Variants in LOC112694756 observed in about 807,000 individuals in gnomAD.
the LOC112694756 span, chr16:30,069,028 G>T: frequency 6.2e-7 from 1 of 1,613,044 alleles, no homozygotes; most frequent in Non-Finnish European, 8.5e-7. Context: ...TTTGGTTCCA[G>T]TGTTGTTAAT....
chr16:30,069,043 C>G, the LOC112694756 span: 7 of 1,606,302 alleles, frequency 4.4e-6, no homozygotes, highest in Non-Finnish European at 5.1e-6. Context: ...GTTAATTTGC[C>G]TATTACCTGC....
At chr16:30,068,967 A>G in the LOC112694756 span, 2 of 1,614,246 alleles carry the variant, frequency 1.2e-6, no homozygotes, top group Non-Finnish European at 8.5e-7. Flanking sequence ...TTATGCCAGT[A>G]TCTGCCAGCA....
the LOC112694756 span, chr16:30,069,050 C>T: frequency 1.2e-6 from 2 of 1,601,004 alleles, no homozygotes; most frequent in Non-Finnish European, 1.7e-6. Context: ...TGCCTATTAC[C>T]TGCCATGATG....
chr16:30,056,707 C>A, the LOC112694756 span, among the ~76,000 whole-genome samples: 1 of 150,076 alleles, frequency 6.7e-6, no homozygotes, highest in Non-Finnish European at 1.5e-5. Flanking sequence ...CTGAAGCAAT[C>A]CTCCCACCTC....
At chr16:30,068,889 G>T in the LOC112694756 span, 20 of 1,614,134 alleles carry the variant, frequency 1.2e-5, no homozygotes, top group African/African-American at 2.5e-4. Context: ...GTGGCGTTGT[G>T]TGCTGAAGAT....
the LOC112694756 span, among the ~76,000 whole-genome samples, chr16:30,055,681 G>A: frequency 2.0e-5 from 3 of 152,264 alleles, no homozygotes; most frequent in Non-Finnish European, 4.4e-5. Context: ...TCTAGGTATA[G>A]GGCCTCTTTA....
the LOC112694756 span, chr16:30,068,224 G>A: frequency 1.6e-5 from 5 of 318,590 alleles, no homozygotes; most frequent in Admixed American, 4.5e-5. Context: ...GCCACCACCC[G>A]GCTAATTTTT....
chr16:30,061,211 T>C, the LOC112694756 span, among the ~76,000 whole-genome samples: 2 of 152,250 alleles, frequency 1.3e-5, no homozygotes, highest in Non-Finnish European at 2.9e-5. Flanking sequence ...CCTTCTTGTC[T>C]CTAAGGACAC....
chr16:30,069,240 G>A, the LOC112694756 span: 17 of 1,546,376 alleles, frequency 1.1e-5, no homozygotes, highest in Admixed American at 1.2e-4. Context: ...ACCAGTGGCT[G>A]TGGAGAGATG....
chr16:30,063,983 C>T, the LOC112694756 span: 2 of 398,778 alleles, frequency 5.0e-6, no homozygotes, highest in Admixed American at 8.8e-5. Context: ...AGTGGCAGCG[C>T]AGGGCCTGGC....
chr16:30,069,823 T>G, the LOC112694756 span: 2 of 1,614,002 alleles, frequency 1.2e-6, no homozygotes, highest in Non-Finnish European at 1.7e-6. Flanking sequence ...TCACCCCTGC[T>G]CTACAGGGAT....
chr16:30,064,189 C>G, the LOC112694756 span: 1 of 398,018 alleles, frequency 2.5e-6, no homozygotes, highest in Non-Finnish European at 4.4e-6. Context: ...CCCTTGAGTA[C>G]CGGGTACGCA....
chr16:30,059,453 C>T, the LOC112694756 span, among the ~76,000 whole-genome samples: 3 of 151,452 alleles, frequency 2.0e-5, no homozygotes, highest in Middle Eastern at 3.4e-3. Flanking sequence ...GAGCCGAGAT[C>T]GTGCCACTGC....
the LOC112694756 span, chr16:30,070,345 T>C: frequency 1.2e-6 from 1 of 804,684 alleles, no homozygotes; most frequent in Non-Finnish European, 2.1e-6. Context: ...TGGTGTGTGG[T>C]GTCGTCTGTG....
At chr16:30,058,683 C>CACT in the LOC112694756 span, among the ~76,000 whole-genome samples, 107 of 151,578 alleles carry the variant, frequency 7.1e-4, no homozygotes, top group African/African-American at 2.5e-3. Flanking sequence ...GATGGGGTTT[C>CACT]GTGTTAGCCA....
chr16:30,054,691 TC>T, the LOC112694756 span: 2 of 398,664 alleles, frequency 5.0e-6, no homozygotes, highest in South Asian at 2.7e-4. Flanking sequence ...TGGCCGTTCC[TC>T]TCCCAGCCAC....
the LOC112694756 span, chr16:30,067,622 C>T: frequency 3.7e-6 from 6 of 1,614,130 alleles, no homozygotes; most frequent in African/African-American, 1.3e-5. Context: ...GTCCCTTCCC[C>T]CAAGTTATCA....
chr16:30,061,749 G>A, the LOC112694756 span, among the ~76,000 whole-genome samples: 1 of 150,996 alleles, frequency 6.6e-6, no homozygotes, highest in East Asian at 2.0e-4. Context: ...TAGTAGAGAA[G>A]AGGTTTCGCC....
At chr16:30,069,856 A>T in the LOC112694756 span, 1 of 1,614,116 alleles carries the variant, frequency 6.2e-7, no homozygotes, top group African/African-American at 1.3e-5. Context: ...TGGAGGCCAG[A>T]GTGAGGAGGA....
Sources: gnomAD v4.1 joint callset for allele counts (sites outside exome capture counted in the v4.1 genomes callset) on GRCh38, gnomAD v4.1.1 for gene constraint, MANE v1.5 for transcripts.